Variants in EPC2 observed in about 807,000 individuals in gnomAD.
EPC2 encodes enhancer of polycomb homolog 2.
In EPC2, 14 loss-of-function variants were observed where a neutral mutation model predicts 92.1. The ratio of observed to expected loss-of-function variants is 0.15; its 90% CI spans 0.10 to 0.24. The LOEUF is 0.24. Among genes scored for constraint, EPC2 ranks in the 10% least tolerant of loss-of-function variants. EPC2 has a pLI of 1.00. For missense variants in EPC2, 755 were observed against 971.5 expected, an observed-to-expected ratio of 0.78 and a Z score of 2.96; for synonymous variants, 340 against 334.7, an observed-to-expected ratio of 1.02 and a Z score of -0.17.
chr2:148,755,762 G>C (rs1438510310), intron 4 of EPC2, among the ~76,000 whole-genome samples: 3 of 152,130 alleles, frequency 2.0e-5, no homozygotes, highest in Admixed American at 2.0e-4. Context: ...TTATTTGTTC[G>C]ATTATTTCTT....
At position 148,644,967 on chromosome 2, in the gene EPC2, C is replaced by G; in HGVS notation, c.-51C>G. 6.6e-7 allele frequency: 1 copy of G among 1,517,716 alleles called. No homozygotes were observed. The highest frequency in any genetic ancestry group is 8.9e-7 in the Non-Finnish European group (1 of 1,123,312). The allele number at this position is 1,517,716 out of a possible 1,614,324, so 94.0% of individuals were successfully genotyped here. On this transcript the variant is annotated 5_prime_UTR_variant, in exon 1 of 14. Coordinates refer to ENST00000258484, the MANE Select transcript of EPC2 (RefSeq NM_015630.4). ...GGCGGCGGGAGTCCTCCCCCCCTCC[C>G]CGCCCGCCCCGCCGCCGCCGCCCGG...
intron 8 of EPC2, among the ~76,000 whole-genome samples, chr2:148,770,202 G>A (rs1283900060): frequency 6.6e-6 from 1 of 152,076 alleles, no homozygotes; most frequent in Admixed American, 6.5e-5. Context: ...ACTACATGCT[G>A]CTAATTTTTG....
At chr2:148,706,880 G>A (rs550775522) in intron 2 of EPC2, among the ~76,000 whole-genome samples, 39 of 152,290 alleles carry the variant, frequency 2.6e-4, no homozygotes, top group African/African-American at 9.4e-4. Context: ...ACCGGTATCA[G>A]CCACTGCAAA....
intron 2 of EPC2, among the ~76,000 whole-genome samples, chr2:148,712,219 C>A (rs1682157659): frequency 6.6e-6 from 1 of 151,858 alleles, no homozygotes; most frequent in Non-Finnish European, 1.5e-5. Context: ...CTTAGCATAT[C>A]TATCATACTG....
intron 2 of EPC2, among the ~76,000 whole-genome samples, chr2:148,699,932 T>C (rs1211040378): frequency 6.6e-6 from 1 of 152,172 alleles, no homozygotes; most frequent in Non-Finnish European, 1.5e-5. Context: ...TTTTACTAGG[T>C]GTGAGATGGT....
intron 2 of EPC2, among the ~76,000 whole-genome samples, chr2:148,743,287 A>T (rs1682916762): frequency 6.6e-6 from 1 of 152,066 alleles, no homozygotes; most frequent in African/African-American, 2.4e-5. Context: ...TTGTTTCTCA[A>T]TTCTTAATTT....
chr2:148,723,340 G>A (rs1034877953), intron 2 of EPC2, among the ~76,000 whole-genome samples: 4 of 152,158 alleles, frequency 2.6e-5, no homozygotes, highest in Non-Finnish European at 5.9e-5. Flanking sequence ...TTGAGTTCTT[G>A]AAAGGTGATA....
chr2:148,750,102 C>CT (rs1210782215), intron 3 of EPC2, among the ~76,000 whole-genome samples: 1 of 151,742 alleles, frequency 6.6e-6, no homozygotes, highest in African/African-American at 2.4e-5. Context: ...TTGAAGAGAT[C>CT]TTTTTTTTCT....
chr2:148,743,592 G>A (rs759792722), intron 2 of EPC2, 30 bp from the exon 3 acceptor site: 5 of 1,491,770 alleles, frequency 3.4e-6, no homozygotes, highest in Non-Finnish European at 4.5e-6. Context: ...AATTTCTCCT[G>A]AGTTTGAAGA....
At chr2:148,783,163 T>TA (rs1402265969) in intron 11 of EPC2, among the ~76,000 whole-genome samples, 9 of 152,226 alleles carry the variant, frequency 5.9e-5, no homozygotes, top group African/African-American at 1.9e-4. Context: ...AACTTTACTT[T>TA]GTTTGCTTTT....
At chr2:148,671,609 AT>A (rs200327371) in intron 1 of EPC2, among the ~76,000 whole-genome samples, 4,854 of 152,034 alleles carry the variant, frequency 0.032, 98 homozygotes, top group Middle Eastern at 0.12. Flanking sequence ...GCAAGACCCC[AT>A]CCCCCCAAAA....
chr2:148,739,404 A>C (rs576551702), intron 2 of EPC2, among the ~76,000 whole-genome samples: 1 of 152,142 alleles, frequency 6.6e-6, no homozygotes, highest in East Asian at 1.9e-4. Context: ...TTTTCCTCAT[A>C]CCGTTTCTTC....
chr2:148,732,867 T>C (rs1682666476), intron 2 of EPC2, among the ~76,000 whole-genome samples: 1 of 151,918 alleles, frequency 6.6e-6, no homozygotes, highest in Admixed American at 6.6e-5. Flanking sequence ...TCTATCATGT[T>C]ATAGCAGACA....
At chr2:148,754,166 C>A in intron 4 of EPC2, 33 bp downstream of exon 4, 3 of 1,476,716 alleles carry the variant, frequency 2.0e-6, no homozygotes, top group Non-Finnish European at 2.8e-6. Flanking sequence ...TTGAAGGTAG[C>A]TTAATAGTAT....
intron 1 of EPC2, among the ~76,000 whole-genome samples, chr2:148,654,551 A>G (rs961699252): frequency 3.3e-5 from 5 of 152,126 alleles, no homozygotes; most frequent in Non-Finnish European, 7.4e-5. Flanking sequence ...TCAGCTACTT[A>G]GGAGGCTGAA....
intron 2 of EPC2, among the ~76,000 whole-genome samples, chr2:148,726,753 G>GTTTTTTTTTTTTT (rs1682503554): frequency 1.1e-5 from 1 of 87,900 alleles, no homozygotes. Flanking sequence ...TTTTTTTTTT[G>GTTTTTTTTTTTTT]TTTTGTTTTT....
intron 1 of EPC2, among the ~76,000 whole-genome samples, chr2:148,653,551 G>GT (rs1349029651): frequency 6.6e-6 from 1 of 152,202 alleles, no homozygotes; most frequent in Admixed American, 6.5e-5. Flanking sequence ...GTCACTTCCA[G>GT]TTTCTCCTCA....
chr2:148,706,138 A>T (rs1042320906), intron 2 of EPC2, among the ~76,000 whole-genome samples: 1 of 152,200 alleles, frequency 6.6e-6, no homozygotes, highest in Non-Finnish European at 1.5e-5. Flanking sequence ...TAGAATAAAC[A>T]GTGTAGAGAA....
intron 4 of EPC2, 51 bp downstream of exon 4, chr2:148,754,184 C>A (rs1683136519): frequency 2.2e-6 from 3 of 1,348,592 alleles, no homozygotes; most frequent in African/African-American, 1.5e-5. Context: ...TATTCAAGAT[C>A]AATCTTTTTT....
Sources: allele counts gnomAD v4.1 joint callset (sites outside exome capture counted in the v4.1 genomes callset), GRCh38; gene constraint gnomAD v4.1.1; transcripts MANE v1.5; gene names NCBI Gene and HGNC (gene_info 2026-07-23, HGNC 2026-07-21).